COL11A1: variants seen among roughly 807,000 people sequenced by gnomAD.
COL11A1 encodes collagen type XI alpha 1 chain, also known as collagen alpha-1(XI) chain.
A neutral mutation model predicts 265.2 loss-of-function variants in COL11A1; 74 were observed. The ratio of observed to expected loss-of-function variants is 0.28; its 90% CI spans 0.23 to 0.34. COL11A1 has a LOEUF of 0.34. COL11A1 is among the 10% of genes least tolerant of loss of function. COL11A1 has a pLI of 1.00. For synonymous variants in COL11A1, 816 were observed against 727.6 expected (o/e 1.12, Z -1.96); for missense variants, 2,165 against 2,263.6 (o/e 0.96, Z 0.88).
chr1:103,049,262 C>G (rs1048882343), intron 4 of COL11A1, among the ~76,000 whole-genome samples: 23 of 152,100 alleles, frequency 1.5e-4, no homozygotes, highest in African/African-American at 5.3e-4. Flanking sequence ...CTAAGGACTT[C>G]CTTTATGAAT....
At chr1:102,968,191 A>C (rs1265634664) in intron 37 of COL11A1, among the ~76,000 whole-genome samples, 3 of 152,256 alleles carry the variant, frequency 2.0e-5, no homozygotes, top group Non-Finnish European at 2.9e-5. Context: ...ATTTCAGAGT[A>C]GCTAGTCAAA....
chr1:103,107,446 T>G (rs961573770), intron 1 of COL11A1, among the ~76,000 whole-genome samples: 3 of 151,722 alleles, frequency 2.0e-5, no homozygotes, highest in Non-Finnish European at 4.4e-5. Flanking sequence ...TTGAACCTAT[T>G]CCTAATAATC....
intron 5 of COL11A1, among the ~76,000 whole-genome samples, chr1:103,027,382 C>A (rs1667603461): frequency 8.3e-6 from 1 of 120,024 alleles, no homozygotes; most frequent in Non-Finnish European, 1.7e-5. Context: ...GTAAACTCAA[C>A]AAGTTAAAAC....
chr1:103,059,317 TCA>T (rs577473933), intron 4 of COL11A1, among the ~76,000 whole-genome samples: 19 of 152,070 alleles, frequency 1.2e-4, no homozygotes, highest in African/African-American at 4.6e-4. Flanking sequence ...CTGATAAAAT[TCA>T]CAGTCCAGGG....
chr1:102,910,541 G>A (rs1654531695), intron 54 of COL11A1, among the ~76,000 whole-genome samples: 1 of 152,050 alleles, frequency 6.6e-6, no homozygotes, highest in Non-Finnish European at 1.5e-5. Flanking sequence ...ACATTTTGAA[G>A]CAAGGTTTAA....
At chr1:102,958,979 TC>T (rs1557872352) in intron 41 of COL11A1, among the ~76,000 whole-genome samples, 1 of 152,156 alleles carries the variant, frequency 6.6e-6, no homozygotes. Context: ...CCACATCAAA[TC>T]TTAGTCATAA....
intron 9 of COL11A1, among the ~76,000 whole-genome samples, chr1:103,019,527 G>A (rs910506122): frequency 6.6e-6 from 1 of 152,006 alleles, no homozygotes; most frequent in Non-Finnish European, 1.5e-5. Context: ...TGAGCATGTT[G>A]CATGATTTTG....
intron 4 of COL11A1, among the ~76,000 whole-genome samples, chr1:103,036,403 A>G (rs1668379062): frequency 6.8e-6 from 1 of 147,458 alleles, no homozygotes; most frequent in South Asian, 2.1e-4. Context: ...ATATATCTAT[A>G]TATGCATCAT....
intron 28 of COL11A1, among the ~76,000 whole-genome samples, chr1:102,993,334 G>T (rs561634209): frequency 3.3e-5 from 5 of 152,032 alleles, no homozygotes; most frequent in Admixed American, 6.6e-5. Flanking sequence ...AGGGGTGATT[G>T]GTTCCAGGAC....
chr1:103,026,382 C>G, intron 5 of COL11A1, 50 bp from the exon 6 acceptor site: 1 of 1,164,900 alleles, frequency 8.6e-7, no homozygotes, highest in East Asian at 2.3e-5. Flanking sequence ...TGGCAAAATA[C>G]TATTCACAAA....
At chr1:103,107,283 C>T (rs1674772128) in intron 1 of COL11A1, among the ~76,000 whole-genome samples, 1 of 151,816 alleles carries the variant, frequency 6.6e-6, no homozygotes, top group African/African-American at 2.4e-5. Flanking sequence ...ACCCCCTCCC[C>T]TTCCCTCCCA....
intron 1 of COL11A1, among the ~76,000 whole-genome samples, chr1:103,101,294 T>C (rs896153353): frequency 2.6e-5 from 4 of 151,932 alleles, no homozygotes; most frequent in East Asian, 1.9e-4. Flanking sequence ...AGTGAAATAA[T>C]TGAAGTTTCA....
intron 42 of COL11A1, among the ~76,000 whole-genome samples, chr1:102,945,188 A>G (rs1659123588): frequency 6.6e-6 from 1 of 152,004 alleles, no homozygotes; most frequent in African/African-American, 2.4e-5. Context: ...AATGAAATTA[A>G]TTAATGCCGT....
intron 35 of COL11A1, among the ~76,000 whole-genome samples, chr1:102,976,842 G>T (rs1299871427): frequency 2.0e-5 from 3 of 151,938 alleles, no homozygotes; most frequent in Non-Finnish European, 4.4e-5. Flanking sequence ...TGGTTCTGTT[G>T]TTCCATTTTT....
intron 20 of COL11A1, 59 bp downstream of exon 20, chr1:103,004,385 C>CA: frequency 8.2e-7 from 1 of 1,218,302 alleles, no homozygotes; most frequent in East Asian, 2.4e-5. Flanking sequence ...ATGTGTAACA[C>CA]CAGTCACTAG....
intron 4 of COL11A1, among the ~76,000 whole-genome samples, chr1:103,051,498 C>G (rs1273381904): frequency 1.3e-5 from 2 of 152,214 alleles, no homozygotes; most frequent in Non-Finnish European, 2.9e-5. Flanking sequence ...CAGGTGCCAT[C>G]TGTCACCCCT....
rs947397689 is a variant in COL11A1, at chr1:102,908,836, G to C, written c.4086+3323C>G. Among the ~76,000 whole-genome samples the C allele has an allele frequency of 6.6e-5, 10 of 151,550 alleles. 1 individual carries two copies. In the South Asian group the frequency reaches 1.9e-3, roughly 28 times the overall value. On this transcript the variant is annotated intron_variant, in intron 54 of 66. Coordinates refer to ENST00000370096, the MANE Select transcript of COL11A1 (RefSeq NM_001854.4). ...TTAACCATAATTTTATTTTTTTAAG[G>C]GTTTTTAAATACATTTTAATCAGGG...
chr1:102,887,424 A>G lies in COL11A1; in HGVS notation c.4609-368T>C, dbSNP rs141806724. Among the ~76,000 whole-genome samples, 228 of 152,020 alleles carry G rather than the reference A, an allele frequency of 1.5e-3. 1 individual carries two copies. Among genetic ancestry groups the G allele is most frequent in the African/African-American group, 5.4e-3 (222 of 41,326 alleles). On this transcript the variant is annotated intron_variant, in intron 62 of 66. Transcript: ENST00000370096. ...TAAAGTCTCTGAGGATTAGAACAGC[A>G]CTTTAAAGCTATTGCGCTATCTAAT...
intron 8 of COL11A1, among the ~76,000 whole-genome samples, chr1:103,022,099 G>A (rs902536692): frequency 6.0e-5 from 9 of 150,094 alleles, no homozygotes; most frequent in African/African-American, 1.5e-4. Flanking sequence ...CAGGTAATCC[G>A]CCCGCCTCTG....
Sources: allele counts gnomAD v4.1 joint callset (sites outside exome capture counted in the v4.1 genomes callset), GRCh38; gene constraint gnomAD v4.1.1; transcripts MANE v1.5; gene names NCBI Gene and HGNC (gene_info 2026-07-23, HGNC 2026-07-21).